Variants in PRSS12 observed in about 807,000 individuals in gnomAD.
PRSS12 encodes neurotrypsin.
In PRSS12, 85 loss-of-function variants were observed where a neutral mutation model predicts 104.4. The ratio of observed to expected loss-of-function variants is 0.81; its 90% confidence interval spans 0.68 to 0.98. The LOEUF is 0.98. Among genes scored for constraint, PRSS12 ranks in the 50% least tolerant of loss-of-function variants. The probability of loss-of-function intolerance (pLI) is 0.00; values close to 1 mark genes in which losing one functional copy is unlikely to be tolerated. For missense variants in PRSS12, 1,141 were observed against 1,139.2 expected (o/e 1.00, Z -0.02); for synonymous variants, 454 against 425.2 (o/e 1.07, Z -0.83).
chr4:118,332,376 A>G (rs915253163), intron 3 of PRSS12, among the ~76,000 whole-genome samples: 2 of 152,200 alleles, frequency 1.3e-5, no homozygotes, highest in Non-Finnish European at 2.9e-5. Context: ...CATGGCCAGT[A>G]CCTCAACAGA....
chr4:118,295,903 A>C (rs1218612826), intron 9 of PRSS12, 47 bp from the exon 10 acceptor site: 5 of 1,514,474 alleles, frequency 3.3e-6, no homozygotes, highest in African/African-American at 2.8e-5. Flanking sequence ...TTGCTGACAG[A>C]GGGGTAAGAC....
rs780801353 is a variant in PRSS12 at position 118,313,153 on chromosome 4, C to T, written c.1489+48G>A. 43 of 1,601,842 alleles carry T rather than the reference C, an allele frequency of 2.7e-5. No homozygotes were observed. The South Asian group carries it at 4.5e-4, about 17-fold the overall frequency. On this transcript the variant is annotated intron_variant, in intron 7 of 12. Coordinates refer to ENST00000296498, the MANE Select transcript of PRSS12 (RefSeq NM_003619.4). ...TATTCAAGGCCAGTGGTTAGAGGTG[C>T]AATGGCTACTGAATGATGGAAACTT... is the stretch of plus-strand genomic sequence containing the variant.
intron 1 of PRSS12, among the ~76,000 whole-genome samples, chr4:118,340,033 A>C (rs774118434): frequency 1.2e-4 from 18 of 152,358 alleles, no homozygotes; most frequent in Non-Finnish European, 2.2e-4. Flanking sequence ...TTAAGTGATC[A>C]TAAGATTTAA....
chr4:118,311,993 G>A (rs1226631029), intron 7 of PRSS12, among the ~76,000 whole-genome samples: 1 of 152,022 alleles, frequency 6.6e-6, no homozygotes, highest in Non-Finnish European at 1.5e-5. Context: ...ACATAATCCT[G>A]GGAGGATCAC....
chr4:118,296,930 A>G (rs1743267572), intron 9 of PRSS12, among the ~76,000 whole-genome samples: 1 of 152,242 alleles, frequency 6.6e-6, no homozygotes, highest in Admixed American at 6.5e-5. Context: ...GTCAATGTAT[A>G]TGATGCCAAG....
intron 9 of PRSS12, among the ~76,000 whole-genome samples, chr4:118,296,222 G>A (rs2126028460): frequency 6.6e-6 from 1 of 152,304 alleles, no homozygotes; most frequent in East Asian, 1.9e-4. Context: ...TGCAAAGGCA[G>A]TAATGGCCTA....
intron 1 of PRSS12, among the ~76,000 whole-genome samples, chr4:118,350,638 T>C (rs1724474375): frequency 1.3e-5 from 2 of 152,248 alleles, no homozygotes; most frequent in Non-Finnish European, 2.9e-5. Flanking sequence ...GCTAGGAACA[T>C]AAAGGCATTC....
chr4:118,318,437 C>T lies in PRSS12; in HGVS notation c.1091G>A (p.Trp364Ter), dbSNP rs752562422. 6 of 1,614,092 alleles carry T rather than the reference C, an allele frequency of 3.7e-6. No homozygotes were observed. Among genetic ancestry groups the T allele is most frequent in the Non-Finnish European group, 3.4e-6 (4 of 1,179,988 alleles). The stretch of plus-strand genomic sequence containing the variant: ...TTTATGGCCACAGTTATGCTCTCCC[C>T]AGGAGCTCTTTGGACACTGCTCAAT... ...LSIEQCPKSS[W>*]GEHNCGHKED... Residue 364 changes from tryptophan to a stop codon, truncating the protein, a stop_gained, in exon 5 of 13, where the codon TGG becomes TAG. Coordinates refer to ENST00000296498, the MANE Select transcript of PRSS12 (RefSeq NM_003619.4). LOFTEE classifies it high-confidence loss of function.
chr4:118,295,715 G>T, intron 10 of PRSS12, 63 bp downstream of exon 10: 1 of 1,450,200 alleles, frequency 6.9e-7, no homozygotes, highest in Non-Finnish European at 9.7e-7. Flanking sequence ...TCCCCAGTTT[G>T]TAACACTCTA....
intron 11 of PRSS12, among the ~76,000 whole-genome samples, chr4:118,290,704 A>G (rs1010232324): frequency 6.6e-6 from 1 of 152,094 alleles, no homozygotes; most frequent in African/African-American, 2.4e-5. Context: ...GAGGTTAAAT[A>G]ATTTCTGCAA....
In PRSS12 at chr4:118,294,871, G is replaced by A. The variant is rs79009259; in HGVS notation, c.2039+68C>T. On this transcript the variant is annotated intron_variant, in intron 11 of 12. Coordinates refer to ENST00000296498, the MANE Select transcript of PRSS12 (RefSeq NM_003619.4). ...GCTCTGACACCTTGAGTGCTGTAGA[G>A]CATGAGGGGATTGGAAGAACTGATG... 161 of 1,598,258 alleles carry A rather than the reference G, an allele frequency of 1.0e-4. No individual in the cohort carries two copies. The East Asian group carries it at 3.2e-3, about 32-fold the overall frequency.
At chr4:118,333,761 A>G (rs1723986030) in intron 3 of PRSS12, among the ~76,000 whole-genome samples, 1 of 152,186 alleles carries the variant, frequency 6.6e-6, no homozygotes, top group Non-Finnish European at 1.5e-5. Flanking sequence ...GTTGTGTTTT[A>G]TTTTAAAATG....
intron 1 of PRSS12, among the ~76,000 whole-genome samples, chr4:118,343,429 C>A (rs1011723953): frequency 6.6e-6 from 1 of 152,058 alleles, no homozygotes; most frequent in East Asian, 1.9e-4. Flanking sequence ...GCAAAACAAC[C>A]TTCCTTTCCA....
rs747577971 is a variant in PRSS12, at chr4:118,298,803, G to A, written c.1767C>T (p.Cys589=). The change falls in exon 9 of 13, where the codon TGC becomes TGT. Residue 589 remains cysteine (C), a synonymous_variant. Coordinates refer to ENST00000296498, the MANE Select transcript of PRSS12 (RefSeq NM_003619.4). ...TAACTCCTGCATCTTCACTGTGGCGGCAGTTGTGTCTTCCAATATCTTGCT... is the reference window on the plus strand; with the variant it reads ...TAACTCCTGCATCTTCACTGTGGCGACAGTTGTGTCTTCCAATATCTTGCT... ...CIKQDIGRHN[C]RHSEDAGVIC... The A allele has an allele frequency of 1.9e-6, 3 of 1,614,178 alleles. No homozygotes were observed. The highest frequency in any genetic ancestry group is 1.7e-6 in the Non-Finnish European group (2 of 1,180,020).
intron 8 of PRSS12, among the ~76,000 whole-genome samples, chr4:118,301,831 C>G (rs925368754): frequency 3.9e-5 from 6 of 152,108 alleles, no homozygotes; most frequent in African/African-American, 1.4e-4. Flanking sequence ...AACACTAGTT[C>G]TAGTCTCTTT....
chr4:118,294,788 T>A, intron 11 of PRSS12, 151 bp downstream of exon 11: 2 of 1,112,348 alleles, frequency 1.8e-6, no homozygotes, highest in South Asian at 2.6e-5. Flanking sequence ...CTTTGCTCCT[T>A]TTGTCACTCC....
chr4:118,343,086 A>C (rs901331964), intron 1 of PRSS12, among the ~76,000 whole-genome samples: 1 of 152,136 alleles, frequency 6.6e-6, no homozygotes, highest in African/African-American at 2.4e-5. Flanking sequence ...TTGGTTTCTG[A>C]GCTTTAAGAT....
rs145826156 is a variant in PRSS12, at chr4:118,282,113, G to A, written c.2451C>T (p.Arg817=). Reference sequence around the variant, plus strand: ...CGCTGTCTCCCTGGCAGCTGTCCACGCGTTTGTGTTCATGGAGGTTTCCAG... The same window carrying A: ...CGCTGTCTCCCTGGCAGCTGTCCACACGTTTGTGTTCATGGAGGTTTCCAG... ...LCAGNLHEHK[R]VDSCQGDSGG... The change falls in exon 13 of 13, where the codon CGC becomes CGT. Residue 817 remains arginine, a synonymous_variant. Transcript: ENST00000296498. The A allele has an allele frequency of 3.1e-5, 50 of 1,614,040 alleles. No homozygotes were observed. In the African/African-American group the frequency reaches 4.8e-4, roughly 16 times the overall value.
In PRSS12 at chr4:118,352,403, G is replaced by A. The variant is rs1175039693; in HGVS notation, c.318C>T (p.Gly106=). The change falls in exon 1 of 13, where the codon GGC becomes GGT. Residue 106 remains glycine (G), a synonymous_variant. Coordinates refer to ENST00000296498, the MANE Select transcript of PRSS12 (RefSeq NM_003619.4). ...CCTCCGCCCACCGCAGACACGGGGCGCCGAAGTCCGTCACGCTGACCCATG... is the reference window on the plus strand; with the variant it reads ...CCTCCGCCCACCGCAGACACGGGGCACCGAAGTCCGTCACGCTGACCCATG... The part of the protein sequence containing the change: ...GEPWVSVTDF[G]APCLRWAEVP... The A allele has an allele frequency of 3.9e-6, 6 of 1,538,958 alleles. No individual in the cohort carries two copies. Among genetic ancestry groups the A allele is most frequent in the Middle Eastern group, 1.7e-4 (1 of 5,762 alleles).
Sources: allele counts gnomAD v4.1 joint callset (sites outside exome capture counted in the v4.1 genomes callset), GRCh38; gene constraint gnomAD v4.1.1; transcripts MANE v1.5; gene names NCBI Gene and HGNC (gene_info 2026-07-23, HGNC 2026-07-21).